Variants in VAV2 observed in about 807,000 individuals in gnomAD.
VAV2 encodes the protein guanine nucleotide exchange factor VAV2.
A neutral mutation model predicts 132.5 loss-of-function variants in VAV2; 67 were observed. That is an observed-to-expected ratio of 0.51 (90% CI 0.42 to 0.62). The LOEUF is 0.62. VAV2 is among the 20% of genes least tolerant of loss of function. The pLI is 0.00. For missense variants in VAV2, 938 were observed against 1,153.6 expected, an observed-to-expected ratio of 0.81 and a Z score of 2.71; for synonymous variants, 492 against 443.5, an observed-to-expected ratio of 1.11 and a Z score of -1.37.
intron 2 of VAV2, among the ~76,000 whole-genome samples, chr9:133,896,796 C>CA (rs34984224): frequency 0.063 from 9,523 of 151,470 alleles, 359 homozygotes; most frequent in South Asian, 0.099. Flanking sequence ...TAAGAAACTT[C>CA]AAAAAAAAAT....
At chr9:133,967,907 TG>T (rs1280394593) in intron 1 of VAV2, among the ~76,000 whole-genome samples, 1 of 116,994 alleles carries the variant, frequency 8.5e-6, no homozygotes, top group Non-Finnish European at 1.6e-5. Context: ...CACTCCAGCC[TG>T]GGCAACAGAG....
chr9:133,949,834 G>A (rs887203386), intron 1 of VAV2, among the ~76,000 whole-genome samples: 1 of 152,224 alleles, frequency 6.6e-6, no homozygotes, highest in Non-Finnish European at 1.5e-5. Flanking sequence ...CTCAAGGCCA[G>A]GAGGTCCCAG....
chr9:133,817,723 G>C (rs931298125), intron 4 of VAV2, among the ~76,000 whole-genome samples: 3 of 152,188 alleles, frequency 2.0e-5, no homozygotes, highest in Non-Finnish European at 2.9e-5. Flanking sequence ...CCAGCGAGTA[G>C]AGTGTTCATT....
intron 2 of VAV2, among the ~76,000 whole-genome samples, chr9:133,876,444 G>A (rs1433308788): frequency 1.3e-5 from 2 of 152,242 alleles, no homozygotes; most frequent in Non-Finnish European, 2.9e-5. Context: ...CCCTGGGACT[G>A]AGGGAGAGCA....
At chr9:133,786,115 C>A in intron 16 of VAV2, 1 of 572,372 alleles carries the variant, frequency 1.7e-6, no homozygotes, top group Non-Finnish European at 3.3e-6. Context: ...GTGCCCATAC[C>A]CTCACGTGAG....
intron 2 of VAV2, among the ~76,000 whole-genome samples, chr9:133,862,415 A>G (rs1837633356): frequency 6.6e-6 from 1 of 152,268 alleles, no homozygotes; most frequent in Non-Finnish European, 1.5e-5. Context: ...CCTGAGCGAC[A>G]GACTCAGTCC....
chr9:133,966,902 G>A (rs1335019231), intron 1 of VAV2, among the ~76,000 whole-genome samples: 1 of 151,686 alleles, frequency 6.6e-6, no homozygotes, highest in East Asian at 1.9e-4. Flanking sequence ...GGGCTTGGTG[G>A]CGGGCGCCTG....
Position 133,837,414 on chromosome 9 carries a change from G to A in VAV2, c.381-3074C>T, listed in dbSNP as rs573460134. Among the ~76,000 whole-genome samples the A allele has an allele frequency of 6.6e-5, 10 of 152,298 alleles. 1 individual carries two copies. Among genetic ancestry groups the A allele is most frequent in the Middle Eastern group, 6.8e-3 (2 of 294 alleles). On this transcript the variant is annotated intron_variant, in intron 3 of 29. Transcript: ENST00000371850. ...AACAGTCATTTCAAAACCTTTTGTCGGCCAGGCGCGGTGGCTCACACCTGT... is the reference window on the plus strand; with the variant it reads ...AACAGTCATTTCAAAACCTTTTGTCAGCCAGGCGCGGTGGCTCACACCTGT...
chr9:133,768,177 G>C lies in VAV2; in HGVS notation c.2589+265C>G, dbSNP rs1295313533. Among the ~76,000 whole-genome samples, 1 of 152,140 alleles carries C rather than the reference G, an allele frequency of 6.6e-6. No individual in the cohort carries two copies. The highest frequency in any genetic ancestry group is 1.5e-5 in the Non-Finnish European group (1 of 68,006). On this transcript the variant is annotated intron_variant, in intron 29 of 29. Coordinates refer to ENST00000371850, the MANE Select transcript of VAV2 (RefSeq NM_001134398.2). The surrounding 1 kb of genome is among the most constrained non-coding windows in gnomAD (Gnocchi z 5.3). The stretch of plus-strand genomic sequence containing the variant: ...AGAATAAAAATGGAACAGGGTCGGG[G>C]GGTTCCTAGGAGCCTGGATCCGCAT...
At chr9:133,837,543 A>C (rs1836518094) in intron 3 of VAV2, among the ~76,000 whole-genome samples, 1 of 151,864 alleles carries the variant, frequency 6.6e-6, no homozygotes, top group African/African-American at 2.4e-5. Context: ...CTAAAAATAC[A>C]AAAAAATTAG....
intron 4 of VAV2, among the ~76,000 whole-genome samples, chr9:133,819,797 T>C (rs1308031991): frequency 3.3e-5 from 5 of 152,194 alleles, no homozygotes; most frequent in African/African-American, 9.6e-5. Context: ...TCTGTGTCAT[T>C]TGAAATTCTA....
chr9:133,764,251 G>A, intron 29 of VAV2, 142 bp from the exon 30 acceptor site: 7 of 1,037,852 alleles, frequency 6.7e-6, no homozygotes, highest in Non-Finnish European at 8.5e-6. Context: ...AGAAGGACCT[G>A]GTGGAACCAT....
At chr9:133,783,474 TG>T (rs1564341509) in intron 19 of VAV2, 28 bp downstream of exon 19, 2 of 1,480,278 alleles carry the variant, frequency 1.4e-6, no homozygotes, top group Non-Finnish European at 1.8e-6. Flanking sequence ...GGCCAGGGAC[TG>T]GGGTGGGGGG....
rs118076293 is a variant in VAV2, at chr9:133,878,947, T to C, written c.322-17515A>G. On this transcript the variant is annotated intron_variant, in intron 2 of 29. Coordinates refer to ENST00000371850, the MANE Select transcript of VAV2 (RefSeq NM_001134398.2). ...TTTTCCCCAGGGTCGGGTCGCCCCA[T>C]TCGAGAGATCAACAAATCCAGCCTT... Among the ~76,000 whole-genome samples, 1,042 of 152,238 alleles carry C rather than the reference T, an allele frequency of 6.8e-3. 35 individuals are homozygous for C. The South Asian group carries it at 0.069, about 10-fold the overall frequency.
chr9:133,796,372 C>A, intron 11 of VAV2, 57 bp downstream of exon 11: 1 of 1,503,694 alleles, frequency 6.7e-7, no homozygotes, highest in Non-Finnish European at 9.1e-7. Flanking sequence ...AAGCTGCCAG[C>A]CCTCATCTGA....
chr9:133,918,639 T>A lies in VAV2; in HGVS notation c.321+20464A>T, dbSNP rs1485752496. 6.6e-6 allele frequency among the ~76,000 whole-genome samples: 1 copy of A among 152,054 alleles called. No homozygotes were observed. Among genetic ancestry groups the A allele is most frequent in the Admixed American group, 6.6e-5 (1 of 15,262 alleles). On this transcript the variant is annotated intron_variant, in intron 2 of 29. Transcript: ENST00000371850. The surrounding 1 kb of genome is among the most constrained non-coding windows in gnomAD (Gnocchi z 4.7). The stretch of plus-strand genomic sequence containing the variant: ...CTGAGGCCCACAGAGTCATGTAGCA[T>A]GCCCGAGGTCGCGCCTTTAATAAAC...
At chr9:133,964,947 A>G (rs912795024) in intron 1 of VAV2, among the ~76,000 whole-genome samples, 1 of 152,194 alleles carries the variant, frequency 6.6e-6, no homozygotes, top group African/African-American at 2.4e-5. Context: ...CTCTTATTCA[A>G]CGTAGTACTA....
intron 2 of VAV2, among the ~76,000 whole-genome samples, chr9:133,888,261 G>C (rs2131961626): frequency 6.6e-6 from 1 of 152,368 alleles, no homozygotes; most frequent in East Asian, 1.9e-4. Flanking sequence ...GGATGAAGCA[G>C]TTCGGGAGAC....
At chr9:133,945,076 G>A (rs1401731361) in intron 1 of VAV2, among the ~76,000 whole-genome samples, 1 of 152,224 alleles carries the variant, frequency 6.6e-6, no homozygotes, top group Non-Finnish European at 1.5e-5. Context: ...TACAGATGAG[G>A]AAACTGAGGT....
Sources: allele counts gnomAD v4.1 joint callset (sites outside exome capture counted in the v4.1 genomes callset), GRCh38; gene constraint gnomAD v4.1.1; non-coding constraint Gnocchi (gnomAD v3.1); transcripts MANE v1.5; gene names NCBI Gene and HGNC (gene_info 2026-07-23, HGNC 2026-07-21).